CHST12: variants seen among roughly 807,000 people sequenced by gnomAD.
CHST12 encodes carbohydrate sulfotransferase 12.
A neutral mutation model predicts 27.9 loss-of-function variants in CHST12; 23 were observed. The observed-to-expected ratio is 0.82, with a 90% CI of 0.59 to 1.17. CHST12 has a LOEUF of 1.17. Ranked by LOEUF, CHST12 falls within the 50% of genes most tolerant of loss-of-function variation. The pLI is 0.00. For synonymous variants in CHST12, 322 were observed against 273.0 expected, an observed-to-expected ratio of 1.18 and a Z score of -1.77; for missense variants, 682 against 603.0, an observed-to-expected ratio of 1.13 and a Z score of -1.37.
Position 2,438,180 on chromosome 7 carries a change from CTGCCTTGGTTG to C in CHST12, c.*4298_*4308del, listed in dbSNP as rs1384936751. The C allele has an allele frequency of 1.3e-5, 2 of 152,388 alleles. No individual in the cohort carries two copies. The highest frequency in any genetic ancestry group is 2.9e-5 in the Non-Finnish European group (2 of 68,158). 9.4% of individuals were successfully genotyped at this position (152,388 alleles called of 1,614,324 possible). A position where few individuals can be genotyped will look rare whatever the true frequency, so the allele number is the denominator to read the frequency against. On this transcript the variant is annotated 3_prime_UTR_variant, in exon 2 of 2. Transcript: ENST00000618655. ...CGGGGCACCTGTCCCTGGATGTGAA[CTGCCTTGGTTG>C]TACCTTGGTGGGGGGACCTTTCCTG...
At chr7:2,414,742 A>G (rs962003841) in intron 1 of CHST12, among the ~76,000 whole-genome samples, 1 of 151,984 alleles carries the variant, frequency 6.6e-6, no homozygotes, top group Non-Finnish European at 1.5e-5. Context: ...TCCTCTGAAT[A>G]TTTTAGTTTT....
intron 1 of CHST12, among the ~76,000 whole-genome samples, chr7:2,406,468 ACAGTTGAGTACGGGGTG>A (rs1781527573): frequency 3.8e-5 from 1 of 26,308 alleles, no homozygotes; most frequent in African/African-American, 2.2e-4. Context: ...GGGTGGGGGC[ACAGTTGAGTACGGGGTG>A]GGGGCACAGT....
In CHST12 at chr7:2,442,882, C is replaced by T. The variant is rs1782652671; in HGVS notation, c.*8998C>T. The T allele has an allele frequency of 6.6e-6, 1 of 152,136 alleles. No homozygotes were observed. The highest frequency in any genetic ancestry group is 2.4e-5 in the African/African-American group (1 of 41,436). 9.4% of individuals were successfully genotyped at this position (152,136 alleles called of 1,614,324 possible). ...GTGAACCCTGCATACCAGGGTTCTC[C>T]ATGCAACAATCTAATGCCTGATGAT... On this transcript the variant is annotated 3_prime_UTR_variant, in exon 2 of 2. Coordinates refer to ENST00000618655, the MANE Select transcript of CHST12 (RefSeq NM_018641.5).
Position 2,441,348 on chromosome 7 carries a change from A to G in CHST12, c.*7464A>G, listed in dbSNP as rs1000746453. ...TGGGCTGGAGTTCATCTTTTAGGCA[A>G]ATTTGGAATAGGAACCTTAAAAATG... On this transcript the variant is annotated 3_prime_UTR_variant, in exon 2 of 2. Coordinates refer to ENST00000618655, the MANE Select transcript of CHST12 (RefSeq NM_018641.5). 2.0e-5 allele frequency: 3 copies of G among 152,140 alleles called. No individual in the cohort carries two copies. Among genetic ancestry groups the G allele is most frequent in the African/African-American group, 7.2e-5 (3 of 41,430 alleles). 9.4% of individuals were successfully genotyped at this position (152,140 alleles called of 1,614,324 possible). A position where few individuals can be genotyped will look rare whatever the true frequency, so the allele number is the denominator to read the frequency against.
rs1299554996 is a variant in CHST12, at chr7:2,448,201, C to G, written c.*14317C>G. ...ATTTTAAATTTGAACAATAAAGGAACTGGACCAGGAAGTGTGGAGTTGGGG... is the reference window on the plus strand; with the variant it reads ...ATTTTAAATTTGAACAATAAAGGAAGTGGACCAGGAAGTGTGGAGTTGGGG... On this transcript the variant is annotated 3_prime_UTR_variant, in exon 2 of 2. Coordinates refer to ENST00000618655, the MANE Select transcript of CHST12 (RefSeq NM_018641.5). 6.6e-6 allele frequency: 1 copy of G among 152,258 alleles called. No individual in the cohort carries two copies. Among genetic ancestry groups the G allele is most frequent in the African/African-American group, 2.4e-5 (1 of 41,458 alleles). The allele number at this position is 152,258 out of a possible 1,614,324, so 9.4% of individuals were successfully genotyped here. A position where few individuals can be genotyped will look rare whatever the true frequency, so the allele number is the denominator to read the frequency against.
intron 1 of CHST12, among the ~76,000 whole-genome samples, chr7:2,408,649 T>G (rs1484590253): frequency 8.5e-5 from 13 of 152,192 alleles, no homozygotes; most frequent in Admixed American, 8.5e-4. Flanking sequence ...CCTGGAAGTC[T>G]ACACTCAGGC....
intron 1 of CHST12, among the ~76,000 whole-genome samples, chr7:2,412,892 T>G (rs1030809337): frequency 6.8e-6 from 1 of 146,964 alleles, no homozygotes; most frequent in African/African-American, 2.6e-5. Flanking sequence ...AATTTGCAAA[T>G]AGACAGTTTT....
intron 1 of CHST12, among the ~76,000 whole-genome samples, chr7:2,407,345 G>T (rs1026523970): frequency 1.3e-5 from 2 of 152,148 alleles, no homozygotes; most frequent in Non-Finnish European, 2.9e-5. Context: ...CTACTTGGGA[G>T]GCTGAGGTGG....
At chr7:2,415,186 G>A (rs1340530406) in intron 1 of CHST12, among the ~76,000 whole-genome samples, 1 of 152,116 alleles carries the variant, frequency 6.6e-6, no homozygotes, top group East Asian at 1.9e-4. Flanking sequence ...CCAACATGAT[G>A]AAACCCCATC....
chr7:2,428,288 G>A (rs905058277), intron 1 of CHST12, among the ~76,000 whole-genome samples: 18 of 150,434 alleles, frequency 1.2e-4, no homozygotes, highest in African/African-American at 3.7e-4. Context: ...TCTGCCTCTC[G>A]GGTTCAAGTG....
chr7:2,412,710 G>T (rs1781696817), intron 1 of CHST12, among the ~76,000 whole-genome samples: 2 of 152,194 alleles, frequency 1.3e-5, no homozygotes, highest in South Asian at 4.1e-4. Flanking sequence ...AACAGCCTGA[G>T]TTCTGAGGCC....
rs763800767 is a variant in CHST12, at chr7:2,433,225, T to C, written c.586T>C (p.Tyr196His). The C allele has an allele frequency of 6.2e-7, 1 of 1,612,180 alleles. No individual in the cohort carries two copies. The highest frequency in any genetic ancestry group is 2.2e-5 in the East Asian group (1 of 44,816). The change falls in exon 2 of 2, where the codon TAC (tyrosine) becomes CAC (histidine). Residue 196 changes from tyrosine (Y) to histidine (H), a missense_variant. Tyr to His is a moderately conservative substitution (Grantham distance 83). Transcript: ENST00000618655. The surrounding 1 kb of genome is among the most constrained non-coding windows in gnomAD (Gnocchi z 6.1). The part of the protein sequence containing the change: ...SGSLLHRGAP[Y>H]RDPLRIPREH... ...AAGCCTGCTGCACCGCGGTGCGCCC[T>C]ACCGCGACCCGCTGCGCATCCCGCG...
chr7:2,430,229 TTTTCCTGTTGTC>T (rs1280644807), intron 1 of CHST12, among the ~76,000 whole-genome samples: 1 of 152,188 alleles, frequency 6.6e-6, no homozygotes, highest in African/African-American at 2.4e-5. Context: ...TGTTTGTGGA[TTTTCCTGTTGTC>T]TTTTCTGTTA....
Position 2,433,165 on chromosome 7 carries a change from A to G in CHST12, c.526A>G (p.Thr176Ala), listed in dbSNP as rs1306077084. 1.2e-6 allele frequency: 2 copies of G among 1,613,066 alleles called. No homozygotes were observed. The highest frequency in any genetic ancestry group is 1.3e-5 in the African/African-American group (1 of 75,012). Residue 176 changes from threonine (T) to alanine (A), a missense_variant, in exon 2 of 2, where the codon ACC becomes GCC. By Grantham distance (58) the Thr-to-Ala change is moderately conservative. Coordinates refer to ENST00000618655, the MANE Select transcript of CHST12 (RefSeq NM_018641.5). This position sits in a 1 kb window ranked among gnomAD's most constrained non-coding sequence, Gnocchi z 6.1. The stretch of plus-strand genomic sequence containing the variant: ...CTGCTACGTGCCCAAGGTGGCCTGC[A>G]CCAACTGGAAGCGCGTGATGATCGT... ...IYCYVPKVAC[T>A]NWKRVMIVLS...
rs541028094 is a variant in CHST12 at position 2,440,523 on chromosome 7, A to G, written c.*6639A>G. On this transcript the variant is annotated 3_prime_UTR_variant, in exon 2 of 2. Transcript: ENST00000618655. ...TCCCAGACTTTCCTGGGATGATGGG[A>G]ACTGGGCACCCCAGATGAGGCTCGG... 4.9e-4 allele frequency: 75 copies of G among 152,494 alleles called. No individual in the cohort carries two copies. Among genetic ancestry groups the G allele is most frequent in the African/African-American group, 1.6e-3 (65 of 41,544 alleles). 9.4% of individuals were successfully genotyped at this position (152,494 alleles called of 1,614,324 possible).
intron 1 of CHST12, among the ~76,000 whole-genome samples, chr7:2,431,171 G>C (rs928681897): frequency 6.6e-6 from 1 of 152,158 alleles, no homozygotes. Flanking sequence ...TTGAGGCTCT[G>C]TTGTTTGGTG....
At position 2,441,508 on chromosome 7, in the gene CHST12, C is replaced by G. The variant is rs1263414012; in HGVS notation, c.*7624C>G. On this transcript the variant is annotated 3_prime_UTR_variant, in exon 2 of 2. Transcript: ENST00000618655. ...AGAAGTTTGAGACCAGTCTGGGCAA[C>G]ATAGTGGAAACTTGTCTCTCCAAAA... 1 of 151,800 alleles carries G rather than the reference C, an allele frequency of 6.6e-6. No homozygotes were observed. Among genetic ancestry groups the G allele is most frequent in the Non-Finnish European group, 1.5e-5 (1 of 68,058 alleles). 9.4% of individuals were successfully genotyped at this position (151,800 alleles called of 1,614,324 possible).
chr7:2,430,201 T>A (rs926542702), intron 1 of CHST12, among the ~76,000 whole-genome samples: 11 of 152,224 alleles, frequency 7.2e-5, no homozygotes, highest in African/African-American at 2.7e-4. Context: ...AATGTGTCAT[T>A]TATTTTCCAG....
chr7:2,407,495 A>G (rs1297562367), intron 1 of CHST12, among the ~76,000 whole-genome samples: 2 of 152,176 alleles, frequency 1.3e-5, no homozygotes, highest in African/African-American at 4.8e-5. Context: ...GAAGAAAAAA[A>G]TAGGGAAAAC....
Sources: allele counts gnomAD v4.1 joint callset (sites outside exome capture counted in the v4.1 genomes callset), GRCh38; gene constraint gnomAD v4.1.1; non-coding constraint Gnocchi (gnomAD v3.1); transcripts MANE v1.5; gene names NCBI Gene and HGNC (gene_info 2026-07-23, HGNC 2026-07-21).